Variants in GAS7 observed in about 807,000 individuals in gnomAD.
GAS7 encodes growth arrest specific 7, also known as growth arrest-specific protein 7.
Under a neutral mutation model 71.1 loss-of-function variants are expected in GAS7, and 28 were observed. The ratio of observed to expected loss-of-function variants is 0.39; its 90% CI spans 0.29 to 0.54. The LOEUF is 0.54. Among genes scored for constraint, GAS7 ranks in the 20% least tolerant of loss-of-function variants. The pLI is 0.62. For missense variants in GAS7, 436 were observed against 627.8 expected (o/e 0.69, Z 3.27); for synonymous variants, 258 against 245.8 (o/e 1.05, Z -0.46).
At chr17:10,174,355 T>C (rs1214143403) in intron 1 of GAS7, among the ~76,000 whole-genome samples, 1 of 152,050 alleles carries the variant, frequency 6.6e-6, no homozygotes, top group East Asian at 1.9e-4. Flanking sequence ...CCTTGCAGGG[T>C]GAGCACTAAA....
At chr17:9,982,857 GAAAGAAAGAAAGC>G (rs1282778083) in intron 2 of GAS7, among the ~76,000 whole-genome samples, 3 of 149,682 alleles carry the variant, frequency 2.0e-5, no homozygotes, top group East Asian at 2.0e-4. Flanking sequence ...AAGAAAGAAA[GAAAGAAAGAAAGC>G]AAAGAAAGCA....
intron 1 of GAS7, among the ~76,000 whole-genome samples, chr17:10,070,782 G>C (rs2073332530): frequency 6.6e-6 from 1 of 151,980 alleles, no homozygotes; most frequent in South Asian, 2.1e-4. Context: ...TCTAAATCTA[G>C]AGTCTAGGGA....
intron 1 of GAS7, among the ~76,000 whole-genome samples, chr17:10,164,567 CAGG>C (rs962223484): frequency 5.3e-5 from 8 of 151,474 alleles, no homozygotes; most frequent in African/African-American, 1.9e-4. Context: ...GGAGGCTGAG[CAGG>C]AGGAGGACTG....
chr17:10,111,552 C>CAAA (rs1194862636), intron 1 of GAS7, among the ~76,000 whole-genome samples: 2 of 45,506 alleles, frequency 4.4e-5, no homozygotes, highest in African/African-American at 7.9e-5. Flanking sequence ...AACAAACAAA[C>CAAA]AAACAAAAAA....
At chr17:9,928,952 A>G (rs1333290088) in intron 9 of GAS7, among the ~76,000 whole-genome samples, 1 of 151,376 alleles carries the variant, frequency 6.6e-6, no homozygotes, top group Non-Finnish European at 1.5e-5. Flanking sequence ...CCATCCAAAC[A>G]CCCCTCTCTC....
rs185462340 is a variant in GAS7, at chr17:9,974,583, T to C, written c.386-4821A>G. ...TTTAAAAAGGGAACTAAAAGCTCTA[T>C]CTAGTTAGTAACCTTAGCAGCTTCA... On this transcript the variant is annotated intron_variant, in intron 3 of 13. Coordinates refer to ENST00000432992, the MANE Select transcript of GAS7 (RefSeq NM_201433.2). This position sits in a 1 kb window ranked among gnomAD's most constrained non-coding sequence, Gnocchi z 4.0. Among the ~76,000 whole-genome samples, 4 of 152,114 alleles carry C rather than the reference T, an allele frequency of 2.6e-5. No individual in the cohort carries two copies. The highest frequency in any genetic ancestry group is 2.6e-4 in the Admixed American group (4 of 15,282).
At chr17:9,938,326 G>A (rs2068473070) in intron 8 of GAS7, among the ~76,000 whole-genome samples, 1 of 151,814 alleles carries the variant, frequency 6.6e-6, no homozygotes, top group Non-Finnish European at 1.5e-5. Context: ...GACCAACATG[G>A]TGAAACCCCG....
At chr17:10,009,136 C>A (rs1044144548) in intron 2 of GAS7, among the ~76,000 whole-genome samples, 2 of 151,332 alleles carry the variant, frequency 1.3e-5, no homozygotes, top group African/African-American at 4.9e-5. Flanking sequence ...CCGGCTAAAA[C>A]GGTGAAACCC....
At chr17:10,102,440 GCTGA>G (rs139617184) in intron 1 of GAS7, among the ~76,000 whole-genome samples, 16,806 of 152,040 alleles carry the variant, frequency 0.11, 985 homozygotes, top group Non-Finnish European at 0.13. Context: ...TAGTCGGCTA[GCTGA>G]CTAAGTATTT....
rs973978110 is a variant in GAS7 at position 10,026,092 on chromosome 17, C to T, written c.184-6195G>A. 3.4e-6 allele frequency: 3 copies of T among 877,784 alleles called. No homozygotes were observed. The highest frequency in any genetic ancestry group is 2.4e-4 in the East Asian group (2 of 8,364). The allele number at this position is 877,784 out of a possible 1,614,324, so 54.4% of individuals were successfully genotyped here. A position where few individuals can be genotyped will look rare whatever the true frequency, so the allele number is the denominator to read the frequency against. On this transcript the variant is annotated intron_variant, in intron 1 of 13. Coordinates refer to ENST00000432992, the MANE Select transcript of GAS7 (RefSeq NM_201433.2). The surrounding 1 kb of genome is among the most constrained non-coding windows in gnomAD (Gnocchi z 4.5). The stretch of plus-strand genomic sequence containing the variant: ...AAGCTCAAGTTCAACCCGGATGCCA[C>T]CTCCACCTCCGGGACTCTCTCCCCC...
intron 1 of GAS7, among the ~76,000 whole-genome samples, chr17:10,063,269 TGTGTGCGCG>T: frequency 6.6e-6 from 1 of 152,328 alleles, no homozygotes; most frequent in Admixed American, 6.5e-5. Context: ...CTGGCACGTG[TGTGTGCGCG>T]CGCACGCGTT....
intron 2 of GAS7, among the ~76,000 whole-genome samples, chr17:9,988,353 C>A (rs1344298877): frequency 6.6e-6 from 1 of 152,210 alleles, no homozygotes; most frequent in Non-Finnish European, 1.5e-5. Context: ...GCTATGCTGC[C>A]CTGTCCTCCA....
At chr17:10,097,958 C>T (rs1597790309) in intron 1 of GAS7, among the ~76,000 whole-genome samples, 1 of 151,644 alleles carries the variant, frequency 6.6e-6, no homozygotes, top group African/African-American at 2.4e-5. Context: ...ACAGGAGAAT[C>T]ACTTGAACCC....
chr17:10,054,917 GGA>G (rs2073115510), intron 1 of GAS7, among the ~76,000 whole-genome samples: 2 of 152,168 alleles, frequency 1.3e-5, no homozygotes, highest in African/African-American at 4.8e-5. Flanking sequence ...AAGGGACCCT[GGA>G]AAGCCTGTCC....
At position 9,913,254 on chromosome 17, in the gene GAS7, C is replaced by T. The variant is rs2067487812; in HGVS notation, c.*3974G>A. ...AAGGATTATGGGGATAAGACGATGT[C>T]CAGGCTACGTGGGGGGGCAGCTGAT... On this transcript the variant is annotated 3_prime_UTR_variant, in exon 14 of 14. Transcript: ENST00000432992. 1 of 232,492 alleles carries T rather than the reference C, an allele frequency of 4.3e-6. No individual in the cohort carries two copies. Among genetic ancestry groups the T allele is most frequent in the Non-Finnish European group, 8.5e-6 (1 of 117,616 alleles). The allele number at this position is 232,492 out of a possible 1,614,324, so 14.4% of individuals were successfully genotyped here.
intron 3 of GAS7, among the ~76,000 whole-genome samples, chr17:9,971,673 G>A (rs1012302263): frequency 6.6e-6 from 1 of 152,082 alleles, no homozygotes; most frequent in East Asian, 1.9e-4. Context: ...AGACCAGGAC[G>A]ATGCGCCATC....
In GAS7 at chr17:10,021,367, G is replaced by A. The variant is rs146616189; in HGVS notation, c.184-1470C>T. 1.5e-4 allele frequency among the ~76,000 whole-genome samples: 23 copies of A among 152,326 alleles called. No homozygotes were observed. The East Asian group carries it at 4.4e-3, about 29-fold the overall frequency. ...CCAGGCTACTCTCACGCTTTGTGAA[G>A]GTTGCAAAACCACGTGCCGTGGCTT... On this transcript the variant is annotated intron_variant, in intron 1 of 13. Coordinates refer to ENST00000432992, the MANE Select transcript of GAS7 (RefSeq NM_201433.2).
At chr17:10,128,564 T>A (rs980239244) in intron 1 of GAS7, among the ~76,000 whole-genome samples, 8 of 152,196 alleles carry the variant, frequency 5.3e-5, no homozygotes, top group Middle Eastern at 3.4e-3. Flanking sequence ...CTTACATTTA[T>A]GCAACAACAT....
intron 1 of GAS7, among the ~76,000 whole-genome samples, chr17:10,158,934 G>A (rs1174285917): frequency 2.7e-5 from 4 of 150,766 alleles, no homozygotes; most frequent in Non-Finnish European, 4.4e-5. Context: ...GCATGCACAT[G>A]TAGTCCCAGA....
Sources: gnomAD v4.1 joint callset for allele counts (sites outside exome capture counted in the v4.1 genomes callset) on GRCh38, gnomAD v4.1.1 for gene constraint, Gnocchi (gnomAD v3.1) non-coding constraint, MANE v1.5 for transcripts, NCBI Gene and HGNC (gene_info 2026-07-23, HGNC 2026-07-21) for gene names.